The following ULK4 variants were observed in gnomAD, a reference collection of about 807,000 sequenced individuals.
ULK4 encodes the protein unc-51 like kinase 4, also known as inactive serine/threonine-protein kinase ULK4.
Under a neutral mutation model 160.6 loss-of-function variants are expected in ULK4, and 133 were observed. The observed-to-expected ratio is 0.83, with a 90% CI of 0.72 to 0.96. ULK4 has a LOEUF of 0.96. Ranked by LOEUF, ULK4 falls within the 40% of genes least tolerant of loss-of-function variation. ULK4 has a pLI of 0.00. For synonymous variants in ULK4, 534 were observed against 539.8 expected (o/e 0.99, Z 0.15); for missense variants, 1,580 against 1,499.5 (o/e 1.05, Z -0.89).
intron 35 of ULK4, among the ~76,000 whole-genome samples, chr3:41,298,597 G>T (rs1440866316): frequency 6.6e-6 from 1 of 152,192 alleles, no homozygotes; most frequent in Non-Finnish European, 1.5e-5. Context: ...GCCCTCTGTT[G>T]TTGAAGATTA....
At chr3:41,859,669 T>C in intron 17 of ULK4, 1 of 376,552 alleles carries the variant, frequency 2.7e-6, no homozygotes, top group Admixed American at 3.2e-5. Context: ...TTGTTTTGTT[T>C]GTTTTTTAGA....
intron 32 of ULK4, among the ~76,000 whole-genome samples, chr3:41,515,378 TA>T (rs202052979): frequency 2.7e-5 from 4 of 150,942 alleles, no homozygotes; most frequent in Non-Finnish European, 5.9e-5. Flanking sequence ...ATATAGTAAT[TA>T]AAAAAAAACA....
intron 32 of ULK4, among the ~76,000 whole-genome samples, chr3:41,477,878 G>C (rs1035173352): frequency 6.6e-6 from 1 of 152,210 alleles, no homozygotes; most frequent in African/African-American, 2.4e-5. Context: ...AAACATTTCT[G>C]AATCATCTCA....
chr3:41,357,615 G>A (rs1273423624), intron 35 of ULK4, among the ~76,000 whole-genome samples: 1 of 152,186 alleles, frequency 6.6e-6, no homozygotes. Flanking sequence ...ACTGCCATTT[G>A]TCGCACACCT....
At chr3:41,699,687 G>A (rs1190334292) in intron 27 of ULK4, among the ~76,000 whole-genome samples, 3 of 152,188 alleles carry the variant, frequency 2.0e-5, no homozygotes, top group Admixed American at 2.0e-4. Flanking sequence ...GTATTGATCA[G>A]CAGCCTTGAA....
chr3:41,400,207 T>G (rs1362601621), intron 34 of ULK4, among the ~76,000 whole-genome samples: 1 of 152,146 alleles, frequency 6.6e-6, no homozygotes, highest in Non-Finnish European at 1.5e-5. Context: ...CTGATTTTAC[T>G]AATTTTATAT....
At chr3:41,841,791 T>C (rs990349118) in intron 17 of ULK4, among the ~76,000 whole-genome samples, 2 of 152,258 alleles carry the variant, frequency 1.3e-5, no homozygotes, top group Non-Finnish European at 2.9e-5. Context: ...TGTTCTGTAC[T>C]AAGAAAAATT....
At chr3:41,634,722 G>T (rs902841715) in intron 30 of ULK4, among the ~76,000 whole-genome samples, 5 of 152,162 alleles carry the variant, frequency 3.3e-5, no homozygotes, top group African/African-American at 1.2e-4. Flanking sequence ...TGAGTCAAGG[G>T]TGACTGAGCC....
chr3:41,436,048 G>C (rs2083029277), intron 34 of ULK4, among the ~76,000 whole-genome samples: 1 of 152,176 alleles, frequency 6.6e-6, no homozygotes, highest in African/African-American at 2.4e-5. Flanking sequence ...ATGATGGTGG[G>C]AAAGCGATAC....
Position 41,896,806 on chromosome 3 carries a change from T to C in ULK4, c.1530+16A>G, listed in dbSNP as rs567023895. ...AACACAAATTAAAATGCATAAGGCA[T>C]GTCACACAGGCTTACCAGGGGGGAA... On this transcript the variant is annotated intron_variant, in intron 15 of 36. Transcript: ENST00000301831. 3 of 1,599,546 alleles carry C rather than the reference T, an allele frequency of 1.9e-6. No individual in the cohort carries two copies. The highest frequency in any genetic ancestry group is 4.5e-5 in the East Asian group (2 of 44,700).
intron 19 of ULK4, among the ~76,000 whole-genome samples, chr3:41,802,149 AT>A (rs2040481398): frequency 6.6e-6 from 1 of 152,176 alleles, no homozygotes; most frequent in Non-Finnish European, 1.5e-5. Context: ...CTACAAAAAT[AT>A]TAAAGGAAAT....
chr3:41,733,761 G>T (rs2037920365), intron 22 of ULK4, among the ~76,000 whole-genome samples: 1 of 112,368 alleles, frequency 8.9e-6, no homozygotes. Context: ...TTTAGACAGA[G>T]TCTCATCCTG....
At chr3:41,419,349 AAAAAGGTCAAT>A (rs1409338322) in intron 34 of ULK4, among the ~76,000 whole-genome samples, 9 of 152,174 alleles carry the variant, frequency 5.9e-5, no homozygotes, top group Non-Finnish European at 7.3e-5. Flanking sequence ...TGGAGCCTGC[AAAAAGGTCAAT>A]TAGATCACCA....
chr3:41,257,931 T>C (rs1404841748), intron 35 of ULK4, among the ~76,000 whole-genome samples: 1 of 152,148 alleles, frequency 6.6e-6, no homozygotes, highest in Non-Finnish European at 1.5e-5. Context: ...TTTGAAACAA[T>C]AAGAGTTTGA....
chr3:41,504,292 T>G (rs2085307465), intron 32 of ULK4, among the ~76,000 whole-genome samples: 1 of 152,222 alleles, frequency 6.6e-6, no homozygotes, highest in Admixed American at 6.5e-5. Flanking sequence ...GGTTATTTAC[T>G]GTCTCCCTCA....
intron 32 of ULK4, among the ~76,000 whole-genome samples, chr3:41,536,321 G>C (rs1382612958): frequency 6.6e-6 from 1 of 151,988 alleles, no homozygotes; most frequent in Non-Finnish European, 1.5e-5. Context: ...CTGGGCCTTG[G>C]TGATGTTGCC....
At chr3:41,377,918 T>C (rs1264445438) in intron 35 of ULK4, among the ~76,000 whole-genome samples, 1 of 150,906 alleles carries the variant, frequency 6.6e-6, no homozygotes, top group Admixed American at 6.6e-5. Context: ...TAAAGACACA[T>C]GCACATGTAT....
intron 35 of ULK4, among the ~76,000 whole-genome samples, chr3:41,285,544 G>A (rs1325358913): frequency 6.6e-6 from 1 of 152,148 alleles, no homozygotes; most frequent in Non-Finnish European, 1.5e-5. Context: ...AAGCTATGAG[G>A]ACACAAAGGT....
intron 20 of ULK4, among the ~76,000 whole-genome samples, chr3:41,792,699 C>T (rs1394385818): frequency 6.6e-6 from 1 of 152,186 alleles, no homozygotes; most frequent in East Asian, 1.9e-4. Context: ...TTTTGAAAAG[C>T]TCAGGCAGAA....
Sources: allele counts gnomAD v4.1 joint callset (sites outside exome capture counted in the v4.1 genomes callset), GRCh38; gene constraint gnomAD v4.1.1; transcripts MANE v1.5; gene names NCBI Gene and HGNC (gene_info 2026-07-23, HGNC 2026-07-21).